The following NCKAP5 variants were observed in gnomAD, a reference collection of about 807,000 sequenced individuals.
NCKAP5 encodes the protein NCK associated protein 5, also known as nck-associated protein 5.
NCKAP5 carries 92 observed loss-of-function variants against 167.0 expected under a neutral mutation model. That is an observed-to-expected ratio of 0.55 (90% CI 0.47 to 0.66). The LOEUF is 0.66. NCKAP5 is among the 30% of genes least tolerant of loss of function. The probability of loss-of-function intolerance (pLI) is 0.00; values close to 1 mark genes in which losing one functional copy is unlikely to be tolerated. For synonymous variants in NCKAP5, 891 were observed against 877.4 expected, an observed-to-expected ratio of 1.02 and a Z score of -0.27; for missense variants, 2,378 against 2,315.0, an observed-to-expected ratio of 1.03 and a Z score of -0.56.
intron 16 of NCKAP5, among the ~76,000 whole-genome samples, chr2:132,763,314 C>T (rs1389638455): frequency 6.6e-6 from 1 of 152,178 alleles, no homozygotes; most frequent in African/African-American, 2.4e-5. Context: ...GCATCTTCTC[C>T]TGTGCTCTAG....
intron 6 of NCKAP5, among the ~76,000 whole-genome samples, chr2:133,043,910 G>C (rs2079299992): frequency 6.7e-6 from 1 of 150,142 alleles, no homozygotes; most frequent in Non-Finnish European, 1.5e-5. Context: ...CTGATTCAGT[G>C]ATACTGATAG....
At chr2:133,200,895 TC>T (rs1370107687) in intron 5 of NCKAP5, among the ~76,000 whole-genome samples, 1 of 152,120 alleles carries the variant, frequency 6.6e-6, no homozygotes, top group Non-Finnish European at 1.5e-5. Context: ...GCTATAGTTG[TC>T]CCCGCTTATC....
At chr2:133,368,836 A>G (rs1306405657) in intron 3 of NCKAP5, among the ~76,000 whole-genome samples, 2 of 152,266 alleles carry the variant, frequency 1.3e-5, no homozygotes, top group African/African-American at 4.8e-5. Context: ...ATACAGTATA[A>G]CATTGCATGA....
intron 3 of NCKAP5, among the ~76,000 whole-genome samples, chr2:133,408,370 G>A (rs561342920): frequency 2.0e-5 from 3 of 152,148 alleles, no homozygotes; most frequent in South Asian, 2.1e-4. Flanking sequence ...AACTCTCTCC[G>A]AATGTTGTTC....
chr2:133,470,237 C>A (rs1168970440), intron 3 of NCKAP5, among the ~76,000 whole-genome samples: 22 of 152,154 alleles, frequency 1.4e-4, no homozygotes, highest in South Asian at 2.1e-4. Flanking sequence ...ACAGACAGGA[C>A]CCTCAGCTGC....
At chr2:132,675,969 T>C (rs1684404798) in intron 19 of NCKAP5, among the ~76,000 whole-genome samples, 1 of 152,032 alleles carries the variant, frequency 6.6e-6, no homozygotes, top group Non-Finnish European at 1.5e-5. Context: ...AAAGTGACCA[T>C]ATGGACCAAC....
rs143541203 is a variant in NCKAP5, at chr2:133,095,302, C to T, written c.341+34676G>A. Among the ~76,000 whole-genome samples, 29 of 152,272 alleles carry T rather than the reference C, an allele frequency of 1.9e-4. 1 individual carries two copies. In the East Asian group the frequency reaches 3.9e-3, roughly 20 times the overall value. On this transcript the variant is annotated intron_variant, in intron 6 of 19. Coordinates refer to ENST00000409261, the MANE Select transcript of NCKAP5 (RefSeq NM_207363.3). ...ATAGTATTCCATAGTATGTGGTAAACCATTTTCAAGGATGGCTGCCAAGAA... is the reference window on the plus strand; with the variant it reads ...ATAGTATTCCATAGTATGTGGTAAATCATTTTCAAGGATGGCTGCCAAGAA...
intron 8 of NCKAP5, among the ~76,000 whole-genome samples, chr2:132,926,716 T>G (rs186117252): frequency 1.3e-5 from 2 of 152,226 alleles, no homozygotes; most frequent in East Asian, 3.8e-4. Flanking sequence ...CACTTTTTAA[T>G]GGGGTTATTT....
At chr2:133,598,114 A>C in the NCKAP5 span, among the ~76,000 whole-genome samples, 1 of 152,096 alleles carries the variant, frequency 6.6e-6, no homozygotes, top group East Asian at 1.9e-4. Context: ...GAGTTATTGA[A>C]CCTCTCTATG....
intron 8 of NCKAP5, among the ~76,000 whole-genome samples, chr2:132,928,558 G>A (rs756760784): frequency 6.6e-6 from 1 of 152,138 alleles, no homozygotes; most frequent in Non-Finnish European, 1.5e-5. Flanking sequence ...ACTCAAGTGG[G>A]CAAGGGGAAG....
chr2:133,492,143 T>TTGTGTGTGTGTG (rs780998843), intron 3 of NCKAP5, among the ~76,000 whole-genome samples: 34 of 84,452 alleles, frequency 4.0e-4, no homozygotes, highest in Non-Finnish European at 5.5e-4. Context: ...CATATCTAGT[T>TTGTGTGTGTGTG]AGTGTGTGTG....
chr2:133,020,899 G>A (rs140178546), intron 6 of NCKAP5, among the ~76,000 whole-genome samples: 7 of 152,290 alleles, frequency 4.6e-5, no homozygotes, highest in East Asian at 1.9e-4. Context: ...GAATAAGAGC[G>A]GAGCCCATGG....
chr2:132,944,768 T>A (rs1251606894), intron 8 of NCKAP5, among the ~76,000 whole-genome samples: 1 of 152,198 alleles, frequency 6.6e-6, no homozygotes, highest in African/African-American at 2.4e-5. Flanking sequence ...CGTAGAGCTA[T>A]CTTTATATAA....
intron 11 of NCKAP5, among the ~76,000 whole-genome samples, chr2:132,838,467 T>C (rs1688060509): frequency 6.6e-6 from 1 of 151,898 alleles, no homozygotes; most frequent in African/African-American, 2.4e-5. Context: ...CCGTCTCTAC[T>C]AAAAACACAA....
At chr2:133,334,518 G>A (rs1683083930) in intron 3 of NCKAP5, among the ~76,000 whole-genome samples, 1 of 152,080 alleles carries the variant, frequency 6.6e-6, no homozygotes, top group South Asian at 2.1e-4. Flanking sequence ...CATTTCATAG[G>A]TGGCCATTGG....
chr2:133,360,856 A>T, intron 3 of NCKAP5, among the ~76,000 whole-genome samples: 1 of 151,934 alleles, frequency 6.6e-6, no homozygotes, highest in Non-Finnish European at 1.5e-5. Context: ...GGTGAGTAGA[A>T]GATCATGGCT....
chr2:133,304,651 C>T (rs1015423415), intron 3 of NCKAP5, among the ~76,000 whole-genome samples: 2 of 152,184 alleles, frequency 1.3e-5, no homozygotes, highest in East Asian at 1.9e-4. Flanking sequence ...AAACTAAATA[C>T]GTTGTTCCCA....
At chr2:133,504,084 AT>A (rs1682781217) in intron 3 of NCKAP5, among the ~76,000 whole-genome samples, 1 of 152,238 alleles carries the variant, frequency 6.6e-6, no homozygotes, top group East Asian at 1.9e-4. Context: ...AAAAAGTCTA[AT>A]GTTGGAGGTT....
chr2:132,761,932 C>T (rs1574112858), intron 16 of NCKAP5, among the ~76,000 whole-genome samples: 1 of 152,306 alleles, frequency 6.6e-6, no homozygotes, highest in Non-Finnish European at 1.5e-5. Context: ...CCTGGCCAAG[C>T]ATCTACAAAA....
Sources: allele counts gnomAD v4.1 joint callset (sites outside exome capture counted in the v4.1 genomes callset), GRCh38; gene constraint gnomAD v4.1.1; transcripts MANE v1.5; gene names NCBI Gene and HGNC (gene_info 2026-07-23, HGNC 2026-07-21).